Variants in UGT1A10 observed in about 807,000 individuals in gnomAD.
UGT1A10 encodes UDP-glucuronosyltransferase 1A10.
UGT1A10 carries 49 observed loss-of-function variants against 45.8 expected under a neutral mutation model. The ratio of observed to expected loss-of-function variants is 1.07; its 90% CI spans 0.85 to 1.36. The LOEUF (loss-of-function observed/expected upper bound fraction) is 1.36. UGT1A10 is among the 40% of genes most tolerant of loss of function. The pLI is 0.00. For missense variants in UGT1A10, 745 were observed against 668.6 expected (o/e 1.11, Z -1.26); for synonymous variants, 284 against 249.7 (o/e 1.14, Z -1.29).
At chr2:233,665,791 A>G (rs2074064993) in intron 1 of UGT1A10, among the ~76,000 whole-genome samples, 1 of 152,184 alleles carries the variant, frequency 6.6e-6, no homozygotes, top group Non-Finnish European at 1.5e-5. Context: ...ATTCTTATGG[A>G]TAAATACCCA....
chr2:233,769,633 G>A lies in UGT1A10; in HGVS notation c.1295+1194G>A. ...ACCAGCTTGAGCAAGGGACAACAGG[G>A]GAGGACTGATGACTGACTTCCCACC... On this transcript the variant is annotated intron_variant, in intron 4 of 4. Transcript: ENST00000344644. The surrounding 1 kb of genome is among the most constrained non-coding windows in gnomAD (Gnocchi z 4.4). The A allele has an allele frequency of 1.2e-6, 2 of 1,611,454 alleles. No individual in the cohort carries two copies. Among genetic ancestry groups the A allele is most frequent in the East Asian group, 4.5e-5 (2 of 44,858 alleles).
intron 1 of UGT1A10, among the ~76,000 whole-genome samples, chr2:233,672,948 G>A (rs982325305): frequency 1.3e-5 from 2 of 152,152 alleles, no homozygotes; most frequent in Non-Finnish European, 2.9e-5. Context: ...CTCGTCAGTA[G>A]CAAATTTTAT....
At chr2:233,717,752 T>C (rs1429389060) in intron 1 of UGT1A10, 2 of 456,612 alleles carry the variant, frequency 4.4e-6, no homozygotes, top group South Asian at 3.1e-5. Flanking sequence ...GGTCTCCCCC[T>C]AGAAAGGCAC....
At chr2:233,724,403 T>TG (rs2077252164) in intron 1 of UGT1A10, among the ~76,000 whole-genome samples, 1 of 115,960 alleles carries the variant, frequency 8.6e-6, no homozygotes, top group Non-Finnish European at 1.8e-5. Flanking sequence ...ACTTCCCAGA[T>TG]GGGGTGGCTG....
At chr2:233,729,266 T>C (rs6431625) in intron 1 of UGT1A10, 636,149 of 1,613,866 alleles carry the variant, frequency 0.39, 130,866 homozygotes, top group African/African-American at 0.67. Flanking sequence ...ATGCGGGAGG[T>C]CTTGCGGGAG....
intron 1 of UGT1A10, among the ~76,000 whole-genome samples, chr2:233,733,605 C>T (rs2125780479): frequency 6.6e-6 from 1 of 152,304 alleles, no homozygotes; most frequent in East Asian, 1.9e-4. Flanking sequence ...TGATGGATTA[C>T]ATTTATTGAT....
intron 1 of UGT1A10, among the ~76,000 whole-genome samples, chr2:233,687,527 C>G (rs2074843265): frequency 6.9e-6 from 1 of 145,906 alleles, no homozygotes; most frequent in South Asian, 2.2e-4. Flanking sequence ...GTGACTTGCC[C>G]AAGGTTATGC....
chr2:233,681,332 G>A (rs1575426838), intron 1 of UGT1A10, among the ~76,000 whole-genome samples: 1 of 151,776 alleles, frequency 6.6e-6, no homozygotes, highest in African/African-American at 2.4e-5. Context: ...TCAGGAGTTC[G>A]AGACCAGCCT....
intron 1 of UGT1A10, chr2:233,693,074 G>C: frequency 6.2e-7 from 1 of 1,614,172 alleles, no homozygotes; most frequent in Non-Finnish European, 8.5e-7. Context: ...TTGGGGCATG[G>C]TTGTAGGTGA....
intron 1 of UGT1A10, chr2:233,717,648 A>G (rs1403190472): frequency 5.0e-6 from 2 of 403,070 alleles, no homozygotes; most frequent in Non-Finnish European, 1.0e-5. Flanking sequence ...GGCGACCAGG[A>G]CAAGGAAGCA....
At chr2:233,685,284 C>T (rs1269793027) in intron 1 of UGT1A10, among the ~76,000 whole-genome samples, 4 of 152,274 alleles carry the variant, frequency 2.6e-5, no homozygotes, top group Non-Finnish European at 4.4e-5. Flanking sequence ...CCGCCCGCCT[C>T]CGCCTTTCAA....
chr2:233,729,939 C>A (rs1259357082), intron 1 of UGT1A10: 3 of 1,614,034 alleles, frequency 1.9e-6, no homozygotes, highest in Admixed American at 3.3e-5. Flanking sequence ...CAATCATGCC[C>A]AACATGGTCT....
intron 1 of UGT1A10, among the ~76,000 whole-genome samples, chr2:233,717,113 A>T (rs1374660753): frequency 6.6e-6 from 1 of 152,068 alleles, no homozygotes; most frequent in Admixed American, 6.6e-5. Flanking sequence ...ATAAAACACC[A>T]CTACATGGAA....
intron 1 of UGT1A10, among the ~76,000 whole-genome samples, chr2:233,699,729 G>A (rs1012427185): frequency 1.3e-5 from 2 of 152,116 alleles, no homozygotes; most frequent in African/African-American, 4.8e-5. Context: ...TTTACGGAGC[G>A]TTTTCCCAGA....
chr2:233,703,514 G>T (rs2125593103), intron 1 of UGT1A10, among the ~76,000 whole-genome samples: 1 of 152,008 alleles, frequency 6.6e-6, no homozygotes, highest in South Asian at 2.1e-4. Flanking sequence ...TCCTGGTGGA[G>T]TGACACTTAT....
intron 1 of UGT1A10, among the ~76,000 whole-genome samples, chr2:233,711,009 T>C (rs2076157997): frequency 2.0e-5 from 3 of 152,234 alleles, no homozygotes; most frequent in African/African-American, 2.4e-5. Context: ...GATGCCTTTT[T>C]CTATCTCTGA....
Position 233,683,554 on chromosome 2 carries a change from T to G in UGT1A10, c.855+46177T>G, listed in dbSNP as rs574328995. Among the ~76,000 whole-genome samples the G allele has an allele frequency of 2.2e-3, 331 of 152,320 alleles. 2 individuals are homozygous for G. The highest frequency in any genetic ancestry group is 7.6e-3 in the African/African-American group (318 of 41,574). On this transcript the variant is annotated intron_variant, in intron 1 of 4. Transcript: ENST00000344644. Reference sequence around the variant, plus strand: ...TTTCACTAAATGAGTGAGATTGGCCTTCTTTTGCTATTACATCTTCCTACT... The same window carrying G: ...TTTCACTAAATGAGTGAGATTGGCCGTCTTTTGCTATTACATCTTCCTACT...
chr2:233,769,698 G>T lies in UGT1A10; in HGVS notation c.1295+1259G>T. 1.3e-6 allele frequency: 2 copies of T among 1,529,982 alleles called. No individual in the cohort carries two copies. Among genetic ancestry groups the T allele is most frequent in the Non-Finnish European group, 1.8e-6 (2 of 1,137,522 alleles). The allele number at this position is 1,529,982 out of a possible 1,614,324, so 94.8% of individuals were successfully genotyped here. A position where few individuals can be genotyped will look rare whatever the true frequency, so the allele number is the denominator to read the frequency against. On this transcript the variant is annotated intron_variant, in intron 4 of 4. Coordinates refer to ENST00000344644, the MANE Select transcript of UGT1A10 (RefSeq NM_019075.4). The surrounding 1 kb of genome is among the most constrained non-coding windows in gnomAD (Gnocchi z 4.4). ...GTGTGTGTGGTGGCACTGGATAAAA[G>T]ATCAATGTTGGCTAGGCACCATGGC...
At chr2:233,726,615 C>T (rs1260171777) in intron 1 of UGT1A10, among the ~76,000 whole-genome samples, 2 of 152,156 alleles carry the variant, frequency 1.3e-5, no homozygotes, top group Non-Finnish European at 2.9e-5. Flanking sequence ...CTGTCCTGCC[C>T]AGATACCCAG....
Sources: allele counts gnomAD v4.1 joint callset (sites outside exome capture counted in the v4.1 genomes callset), GRCh38; gene constraint gnomAD v4.1.1; non-coding constraint Gnocchi (gnomAD v3.1); transcripts MANE v1.5; gene names NCBI Gene and HGNC (gene_info 2026-07-23, HGNC 2026-07-21).